CATSPERT: variants seen among roughly 807,000 people sequenced by gnomAD.
CATSPERT encodes the protein catsper channel auxiliary subunit tau.
At chr2:201,590,059 T>C in the CATSPERT span, among the ~76,000 whole-genome samples, 1 of 152,098 alleles carries the variant, frequency 6.6e-6, no homozygotes, top group Admixed American at 6.6e-5. Context: ...TATGTATACA[T>C]GTGCCATGCT....
the CATSPERT span, among the ~76,000 whole-genome samples, chr2:201,565,096 G>A: frequency 7.6e-6 from 1 of 130,998 alleles, no homozygotes; most frequent in African/African-American, 2.7e-5. Flanking sequence ...AAAAGGACAA[G>A]AAATACAGAA....
the CATSPERT span, chr2:201,535,283 C>T: frequency 1.0e-6 from 1 of 985,128 alleles, no homozygotes; most frequent in Non-Finnish European, 1.2e-6. Flanking sequence ...CAGAATCTCA[C>T]TTAGAACTCA....
At chr2:201,563,139 G>T in the CATSPERT span, among the ~76,000 whole-genome samples, 1 of 52,312 alleles carries the variant, frequency 1.9e-5, no homozygotes, top group Non-Finnish European at 4.1e-5. Context: ...CTGGCCGGGC[G>T]GGGGGCTGAC....
At chr2:201,555,304 C>T in the CATSPERT span, 5 of 152,088 alleles carry the variant, frequency 3.3e-5, no homozygotes, top group African/African-American at 9.7e-5. Context: ...CACTTGAGGC[C>T]AGGAGTTCAA....
At chr2:201,523,231 G>A in the CATSPERT span, among the ~76,000 whole-genome samples, 1 of 152,154 alleles carries the variant, frequency 6.6e-6, no homozygotes, top group East Asian at 1.9e-4. Context: ...AAGCACTTCT[G>A]CCAGCAGTCC....
chr2:201,608,375 CT>C, the CATSPERT span, among the ~76,000 whole-genome samples: 1 of 152,146 alleles, frequency 6.6e-6, no homozygotes, highest in East Asian at 1.9e-4. Flanking sequence ...TGTGTATACA[CT>C]TTTTTTTAAA....
chr2:201,516,493 G>A, the CATSPERT span, among the ~76,000 whole-genome samples: 7 of 152,032 alleles, frequency 4.6e-5, no homozygotes, highest in Non-Finnish European at 1.0e-4. Context: ...AACAGCACGG[G>A]GGAAATCGCT....
the CATSPERT span, among the ~76,000 whole-genome samples, chr2:201,593,474 G>C: frequency 4.1e-5 from 6 of 146,574 alleles, no homozygotes; most frequent in Non-Finnish European, 9.0e-5. Context: ...TTGGGGTGGA[G>C]AGTTCTGTAG....
the CATSPERT span, among the ~76,000 whole-genome samples, chr2:201,560,191 G>A: frequency 1.3e-5 from 2 of 152,136 alleles, no homozygotes; most frequent in African/African-American, 2.4e-5. Flanking sequence ...ACTTTGGGAG[G>A]CCAAGGTGAG....
the CATSPERT span, among the ~76,000 whole-genome samples, chr2:201,549,155 G>T: frequency 3.3e-5 from 5 of 152,002 alleles, no homozygotes; most frequent in African/African-American, 1.2e-4. Flanking sequence ...ATTAAAACCT[G>T]CAATGGATTG....
the CATSPERT span, among the ~76,000 whole-genome samples, chr2:201,513,382 C>T: frequency 9.9e-5 from 15 of 152,122 alleles, 1 homozygote; most frequent in Non-Finnish European, 1.5e-5. Flanking sequence ...CAATGAGACA[C>T]CATCTTACAC....
chr2:201,576,844 C>T, the CATSPERT span, among the ~76,000 whole-genome samples: 1 of 152,196 alleles, frequency 6.6e-6, no homozygotes, highest in Admixed American at 6.5e-5. Flanking sequence ...AGAGGGGTTA[C>T]TTAAACATAA....
the CATSPERT span, among the ~76,000 whole-genome samples, chr2:201,564,840 T>C: frequency 6.6e-6 from 1 of 152,164 alleles, no homozygotes; most frequent in African/African-American, 2.4e-5. Context: ...ATTCAATCTA[T>C]GGTATTTGTT....
the CATSPERT span, chr2:201,493,759 T>C: frequency 6.5e-6 from 10 of 1,537,090 alleles, no homozygotes; most frequent in Non-Finnish European, 8.7e-7. Context: ...AATGTAGTCA[T>C]GTACAGTGCC....
At chr2:201,507,712 T>C in the CATSPERT span, among the ~76,000 whole-genome samples, 4 of 152,142 alleles carry the variant, frequency 2.6e-5, no homozygotes, top group Admixed American at 2.6e-4. Context: ...TATAAAGAAC[T>C]ACCTGAAACT....
At chr2:201,615,790 C>T in the CATSPERT span, among the ~76,000 whole-genome samples, 2 of 151,894 alleles carry the variant, frequency 1.3e-5, no homozygotes, top group East Asian at 3.9e-4. Context: ...AAAAGATCAA[C>T]AAAATTGATA....
At chr2:201,611,579 A>G in the CATSPERT span, among the ~76,000 whole-genome samples, 1 of 152,206 alleles carries the variant, frequency 6.6e-6, no homozygotes, top group Non-Finnish European at 1.5e-5. Context: ...AAGTAAGCCC[A>G]AAGTTAGCAG....
the CATSPERT span, among the ~76,000 whole-genome samples, chr2:201,572,752 A>C: frequency 1.3e-5 from 2 of 152,214 alleles, no homozygotes; most frequent in African/African-American, 4.8e-5. Flanking sequence ...AAAAGTAAAA[A>C]ATCAAAGCAG....
the CATSPERT span, among the ~76,000 whole-genome samples, chr2:201,516,090 A>G: frequency 3.5e-3 from 530 of 152,324 alleles, 4 homozygotes; most frequent in African/African-American, 0.012. Context: ...TATAGGATCT[A>G]GCCTATTGCT....
Sources: gnomAD v4.1 joint callset for allele counts (sites outside exome capture counted in the v4.1 genomes callset) on GRCh38, gnomAD v4.1.1 for gene constraint, MANE v1.5 for transcripts, NCBI Gene and HGNC (gene_info 2026-07-23, HGNC 2026-07-21) for gene names.